Variants in YLPM1 observed in about 807,000 individuals in gnomAD.
The protein encoded by YLPM1 is YLP motif containing 1, also known as YLP motif-containing protein 1.
YLPM1 carries 99 observed loss-of-function variants against 230.0 expected under a neutral mutation model. The observed-to-expected ratio is 0.43, with a 90% CI of 0.37 to 0.51. The LOEUF (loss-of-function observed/expected upper bound fraction) is 0.51. Ranked by LOEUF, YLPM1 falls within the 20% of genes least tolerant of loss-of-function variation. The pLI is 0.00. For synonymous variants in YLPM1, 984 were observed against 942.5 expected (o/e 1.04, Z -0.81); for missense variants, 2,592 against 2,707.7 (o/e 0.96, Z 0.95).
chr14:74,829,159 C>A, intron 18 of YLPM1, 54 bp from the exon 19 acceptor site: 1 of 1,601,908 alleles, frequency 6.2e-7, no homozygotes. Flanking sequence ...GTGTGTGTGT[C>A]GTGTGCAAAC....
At chr14:74,780,309 G>A (rs1045521664) in intron 2 of YLPM1, 96 bp from the exon 3 acceptor site, 5 of 1,426,694 alleles carry the variant, frequency 3.5e-6, no homozygotes, top group Non-Finnish European at 4.7e-6. Context: ...GGATATTTCT[G>A]AGTTGTAGGG....
Position 74,783,118 on chromosome 14 carries a change from G to A in YLPM1, c.2282+793G>A, listed in dbSNP as rs140101440. Among the ~76,000 whole-genome samples, 742 of 152,258 alleles carry A rather than the reference G, an allele frequency of 4.9e-3. 9 individuals carry two copies. The highest frequency in any genetic ancestry group is 0.017 in the African/African-American group (696 of 41,532). Reference sequence around the variant, plus strand: ...CTCGGTTTTTCACCCAGGCTAGTGTGCAGTGATAGAATTATGGCTCAGTGC... The same window carrying A: ...CTCGGTTTTTCACCCAGGCTAGTGTACAGTGATAGAATTATGGCTCAGTGC... On this transcript the variant is annotated intron_variant, in intron 4 of 20. Transcript: ENST00000325680.
At chr14:74,793,751 A>C (rs1228233370) in intron 4 of YLPM1, among the ~76,000 whole-genome samples, 1 of 152,222 alleles carries the variant, frequency 6.6e-6, no homozygotes, top group Non-Finnish European at 1.5e-5. Flanking sequence ...TTATGTGAAT[A>C]GGGTAAGGAA....
intron 6 of YLPM1, among the ~76,000 whole-genome samples, chr14:74,806,048 A>C (rs2091375412): frequency 6.6e-6 from 1 of 151,230 alleles, no homozygotes; most frequent in Admixed American, 6.6e-5. Flanking sequence ...CACATAGCCA[A>C]ACAGCTCTCT....
chr14:74,803,300 A>G (rs191609814), intron 6 of YLPM1, among the ~76,000 whole-genome samples: 1 of 152,286 alleles, frequency 6.6e-6, no homozygotes, highest in African/African-American at 2.4e-5. Flanking sequence ...TCCCAAGAGC[A>G]TGCCAGGACT....
chr14:74,820,988 C>CA (rs1158337701), intron 16 of YLPM1, 69 bp from the exon 17 acceptor site: 11 of 1,381,626 alleles, frequency 8.0e-6, no homozygotes, highest in African/African-American at 1.5e-5. Context: ...TTCCAGATCT[C>CA]AATGAGGGAG....
chr14:74,780,401 T>G lies in YLPM1; in HGVS notation c.1111-4T>G, dbSNP rs755082574. On this transcript the variant is annotated splice_region_variant and splice_polypyrimidine_tract_variant and intron_variant, in intron 2 of 20. Transcript: ENST00000325680. Reference sequence around the variant, plus strand: ...CATAAAGATGTGTCCTCTTTTATCTTTAGTCTGAGGACCCAGAAGAAGATG... The same window carrying G: ...CATAAAGATGTGTCCTCTTTTATCTGTAGTCTGAGGACCCAGAAGAAGATG... The G allele has an allele frequency of 1.2e-6, 2 of 1,607,570 alleles. No homozygotes were observed. The highest frequency in any genetic ancestry group is 2.7e-5 in the African/African-American group (2 of 74,636).
chr14:74,776,409 G>A (rs1341027720), intron 1 of YLPM1, among the ~76,000 whole-genome samples: 2 of 152,070 alleles, frequency 1.3e-5, no homozygotes, highest in African/African-American at 2.4e-5. Flanking sequence ...TGTACTCATG[G>A]CCAACAGCAC....
rs1308747613 is a variant in YLPM1 at position 74,835,939 on chromosome 14, C to T, written c.*201C>T. 10 of 449,142 alleles carry T rather than the reference C, an allele frequency of 2.2e-5. No homozygotes were observed. The East Asian group carries it at 3.5e-4, about 16-fold the overall frequency. The allele number at this position is 449,142 out of a possible 1,614,324, so 27.8% of individuals were successfully genotyped here. On this transcript the variant is annotated 3_prime_UTR_variant, in exon 21 of 21. Transcript: ENST00000325680. Reference sequence around the variant, plus strand: ...AGAATCTTGCTGTACCCAAGCAAGACGTTAATTTTTCTTTTAACTGTTTTG... The same window carrying T: ...AGAATCTTGCTGTACCCAAGCAAGATGTTAATTTTTCTTTTAACTGTTTTG...
In YLPM1 at chr14:74,810,250, T is replaced by C. The variant is rs756057742; in HGVS notation, c.5058T>C (p.Tyr1686=). The C allele has an allele frequency of 3.7e-6, 6 of 1,613,932 alleles. No homozygotes were observed. The highest frequency in any genetic ancestry group is 4.2e-6 in the Non-Finnish European group (5 of 1,179,868). ...ETEHAGQRDR[Y]DRERDREPYF... ...AGCATGCAGGCCAACGTGATCGTTA[T>C]GATAGAGAAAGAGATCGTGAGCCTT... Residue 1686 remains tyrosine, a synonymous_variant, in exon 9 of 21, where the codon TAT becomes TAC. Coordinates refer to ENST00000325680, the MANE Select transcript of YLPM1 (RefSeq NM_019589.3).
intron 1 of YLPM1, among the ~76,000 whole-genome samples, chr14:74,773,069 C>T (rs1200323209): frequency 6.6e-6 from 1 of 152,016 alleles, no homozygotes; most frequent in African/African-American, 2.4e-5. Flanking sequence ...GGGCGGATCA[C>T]AAGGTCAGGA....
chr14:74,831,963 GC>G (rs1440798151), intron 19 of YLPM1, among the ~76,000 whole-genome samples: 2 of 152,154 alleles, frequency 1.3e-5, no homozygotes, highest in African/African-American at 4.8e-5. Flanking sequence ...TAAAATGGTA[GC>G]TTACTTGGAC....
Position 74,782,066 on chromosome 14 carries a change from G to T in YLPM1, c.2023G>T (p.Val675Leu). 1 of 1,613,920 alleles carries T rather than the reference G, an allele frequency of 6.2e-7. No individual in the cohort carries two copies. Among genetic ancestry groups the T allele is most frequent in the Non-Finnish European group, 8.5e-7 (1 of 1,179,874 alleles). The change falls in exon 4 of 21, where the codon GTG becomes TTG. Residue 675 changes from valine to leucine, a missense_variant. Physicochemically the swap from Val to Leu is conservative, Grantham distance 32 (BLOSUM62 1). This residue lies in a region of YLPM1 where 1,862 missense variants were observed against 1,819.8 expected (regional missense o/e 1.02). Transcript: ENST00000325680. ...TAGACCAGCACTGCTTCCTACTCCT[G>T]TGTCTTTTGGTTCTGCCCCACCGAC... The part of the protein sequence containing the change: ...KPRPALLPTP[V>L]SFGSAPPTTY...
At position 74,797,993 on chromosome 14, in the gene YLPM1, A is replaced by G. The variant is rs886578034; in HGVS notation, c.2696A>G (p.Asn899Ser). Residue 899 changes from asparagine (N) to serine (S), a missense_variant, in exon 5 of 21, where the codon AAT becomes AGT. Around this residue, in one of 4 missense-constraint regions of YLPM1, gnomAD observed 1,862 missense variants for 1,819.8 expected, o/e 1.02. Coordinates refer to ENST00000325680, the MANE Select transcript of YLPM1 (RefSeq NM_019589.3). ...DVKDVKAAQS[N>S]ENLSDSQQEP... ...AAGGATGTCAAGGCGGCTCAGTCAA[A>G]TGAGAATCTAAGCGACTCTCAACAA... 8 of 1,597,426 alleles carry G rather than the reference A, an allele frequency of 5.0e-6. No individual in the cohort carries two copies. Among genetic ancestry groups the G allele is most frequent in the Non-Finnish European group, 6.9e-6 (8 of 1,167,168 alleles).
In YLPM1 at chr14:74,817,293, A is replaced by T; in HGVS notation, c.5946+16A>T. On this transcript the variant is annotated intron_variant, in intron 15 of 20. Transcript: ENST00000325680. The stretch of plus-strand genomic sequence containing the variant: ...AATAAATAAGGTGATTTTAAGAAAC[A>T]TAGAATAATAGAGTACTATCATGCG... The T allele has an allele frequency of 6.4e-7, 1 of 1,556,812 alleles. No individual in the cohort carries two copies. The highest frequency in any genetic ancestry group is 1.2e-5 in the South Asian group (1 of 84,028).
intron 4 of YLPM1, among the ~76,000 whole-genome samples, chr14:74,788,198 A>G (rs2091168288): frequency 6.6e-6 from 1 of 150,824 alleles, no homozygotes; most frequent in East Asian, 2.0e-4. Context: ...TCAGCTCACT[A>G]CAAGCTCCAC....
rs781133061 is a variant in YLPM1, at chr14:74,781,633, A to G, written c.1590A>G (p.Leu530=). ...FVPYSQMPPP[L]PTMPPPVLPP... is the part of the protein sequence containing the mutation. ...CATATTCTCAGATGCCTCCACCTCTACCTACAATGCCCCCTCCAGTGTTGC... is the reference window on the plus strand; with the variant it reads ...CATATTCTCAGATGCCTCCACCTCTGCCTACAATGCCCCCTCCAGTGTTGC... The change falls in exon 4 of 21, where the codon CTA becomes CTG. Residue 530 remains leucine, a synonymous_variant. Coordinates refer to ENST00000325680, the MANE Select transcript of YLPM1 (RefSeq NM_019589.3). The G allele has an allele frequency of 1.2e-5, 19 of 1,613,662 alleles. No individual in the cohort carries two copies. The African/African-American group carries it at 2.4e-4, about 20-fold the overall frequency.
At chr14:74,781,280 GATTA>G in intron 3 of YLPM1, 50 bp from the exon 4 acceptor site, 1 of 1,450,376 alleles carries the variant, frequency 6.9e-7, no homozygotes, top group Non-Finnish European at 9.1e-7. Flanking sequence ...TTTAACCTAT[GATTA>G]ATTATCTTAT....
chr14:74,784,353 G>A (rs559315873), intron 4 of YLPM1, among the ~76,000 whole-genome samples: 10 of 152,292 alleles, frequency 6.6e-5, no homozygotes, highest in South Asian at 6.2e-4. Flanking sequence ...CTACGGCAAC[G>A]CACGTTTGTA....
Sources: gnomAD v4.1 joint callset for allele counts (sites outside exome capture counted in the v4.1 genomes callset) on GRCh38, gnomAD v4.1.1 for gene constraint, gnomAD v4.1.1 regional missense constraint, MANE v1.5 for transcripts, NCBI Gene and HGNC (gene_info 2026-07-23, HGNC 2026-07-21) for gene names.